ELMO1: variants seen among roughly 807,000 people sequenced by gnomAD.
ELMO1 encodes engulfment and cell motility protein 1.
In ELMO1, 26 loss-of-function variants were observed where a neutral mutation model predicts 98.9. The observed-to-expected ratio is 0.26, with a 90% confidence interval of 0.19 to 0.36. The LOEUF is 0.36. Ranked by LOEUF, ELMO1 falls within the 10% of genes least tolerant of loss-of-function variation. The pLI is 1.00. For synonymous variants in ELMO1, 346 were observed against 346.0 expected (o/e 1.00, Z 0.00); for missense variants, 627 against 935.2 (o/e 0.67, Z 4.30).
At chr7:37,144,838 A>T (rs1275243843) in intron 13 of ELMO1, among the ~76,000 whole-genome samples, 1 of 152,170 alleles carries the variant, frequency 6.6e-6, no homozygotes, top group East Asian at 1.9e-4. Flanking sequence ...CCTGGAAATC[A>T]GTTTCTTTTC....
At chr7:36,869,042 T>A (rs1180182719) in intron 20 of ELMO1, among the ~76,000 whole-genome samples, 2 of 152,096 alleles carry the variant, frequency 1.3e-5, no homozygotes, top group African/African-American at 4.8e-5. Context: ...AAACTGGAGA[T>A]TTGCTGCTAT....
chr7:37,267,150 T>C (rs1243923798), intron 5 of ELMO1, among the ~76,000 whole-genome samples: 2 of 152,008 alleles, frequency 1.3e-5, no homozygotes, highest in Non-Finnish European at 2.9e-5. Context: ...CAGTTTCTTG[T>C]GGGTATCCCT....
intron 10 of ELMO1, among the ~76,000 whole-genome samples, chr7:37,221,928 C>G (rs1793619586): frequency 6.6e-6 from 1 of 152,132 alleles, no homozygotes. Flanking sequence ...AGCTTCCTGA[C>G]CTCAAGTGAT....
chr7:37,373,836 G>C (rs1035957828), intron 1 of ELMO1, among the ~76,000 whole-genome samples: 2 of 152,136 alleles, frequency 1.3e-5, no homozygotes, highest in African/African-American at 4.8e-5. Context: ...CCTCAGGGAG[G>C]CCTACTCTGA....
At chr7:37,263,434 C>T (rs1419661606) in intron 5 of ELMO1, among the ~76,000 whole-genome samples, 3 of 152,176 alleles carry the variant, frequency 2.0e-5, no homozygotes, top group African/African-American at 2.4e-5. Context: ...AAGACAGCTA[C>T]GGTTCTCAAC....
chr7:37,157,416 C>A (rs1486169593), intron 13 of ELMO1, among the ~76,000 whole-genome samples: 1 of 152,102 alleles, frequency 6.6e-6, no homozygotes, highest in Non-Finnish European at 1.5e-5. Flanking sequence ...TCTAGAAAAC[C>A]CCATCGTATC....
intron 16 of ELMO1, among the ~76,000 whole-genome samples, chr7:36,990,552 A>C (rs919054510): frequency 2.6e-5 from 4 of 152,138 alleles, no homozygotes; most frequent in African/African-American, 9.7e-5. Context: ...AATAAAGGTC[A>C]TAAGAAATCC....
At chr7:37,305,553 C>T (rs907020330) in intron 4 of ELMO1, among the ~76,000 whole-genome samples, 3 of 152,104 alleles carry the variant, frequency 2.0e-5, no homozygotes. Flanking sequence ...CATTTTAAGA[C>T]TCTAAGAGGA....
At chr7:37,366,171 C>T (rs1468397804) in intron 1 of ELMO1, among the ~76,000 whole-genome samples, 2 of 152,142 alleles carry the variant, frequency 1.3e-5, no homozygotes, top group African/African-American at 4.8e-5. Flanking sequence ...ATTTCTATAG[C>T]ATGTATTCTT....
At chr7:37,108,853 C>A (rs1785082321) in intron 14 of ELMO1, among the ~76,000 whole-genome samples, 1 of 152,194 alleles carries the variant, frequency 6.6e-6, no homozygotes, top group Non-Finnish European at 1.5e-5. Context: ...GGTTCAGTCA[C>A]CTTCTCCATC....
intron 4 of ELMO1, among the ~76,000 whole-genome samples, chr7:37,302,561 T>C (rs1272403856): frequency 1.3e-5 from 2 of 152,014 alleles, no homozygotes; most frequent in East Asian, 3.9e-4. Flanking sequence ...GCCCAGTCTT[T>C]GAGGCATCCA....
intron 1 of ELMO1, among the ~76,000 whole-genome samples, chr7:37,373,644 G>A (rs1359170822): frequency 1.3e-5 from 2 of 151,878 alleles, no homozygotes. Context: ...TTTGTTTATG[G>A]TGCTATTTTA....
chr7:37,271,857 G>C lies in ELMO1; in HGVS notation c.218C>G (p.Thr73Ser). 1 of 1,614,008 alleles carries C rather than the reference G, an allele frequency of 6.2e-7. No individual in the cohort carries two copies. Among genetic ancestry groups the C allele is most frequent in the Non-Finnish European group, 8.5e-7 (1 of 1,179,992 alleles). ...EKNRNEIKNG[T>S]ILRLTTSPAQ... is the part of the protein sequence containing the mutation. ...TGGAGATGTGGTTAATCGAAGGATA[G>C]TGCCATTTTTTATCTCATTGCGGTT... Residue 73 changes from threonine (T) to serine (S), a missense_variant, in exon 5 of 22, where the codon ACT becomes AGT. This residue lies in a region of ELMO1 where 123 missense variants were observed against 171.2 expected (regional missense o/e 0.72). Coordinates refer to ENST00000310758, the MANE Select transcript of ELMO1 (RefSeq NM_014800.11).
Position 36,958,689 on chromosome 7 carries a change from C to T in ELMO1, c.1437+54610G>A, listed in dbSNP as rs577496590. On this transcript the variant is annotated intron_variant, in intron 16 of 21. Coordinates refer to ENST00000310758, the MANE Select transcript of ELMO1 (RefSeq NM_014800.11). ...CCTCTTCCTAAGGAGCATTTCTTCT[C>T]GTGGCACTACAAAACGCCACACTTG... 1.1e-4 allele frequency among the ~76,000 whole-genome samples: 17 copies of T among 152,210 alleles called. No individual in the cohort carries two copies. The East Asian group carries it at 2.1e-3, about 19-fold the overall frequency.
chr7:37,057,428 G>C (rs1204069887), intron 15 of ELMO1, among the ~76,000 whole-genome samples: 1 of 152,196 alleles, frequency 6.6e-6, no homozygotes, highest in Non-Finnish European at 1.5e-5. Context: ...TCTCACTCCA[G>C]GTAGAAAATG....
intron 1 of ELMO1, among the ~76,000 whole-genome samples, chr7:37,440,597 C>A (rs1261677531): frequency 6.6e-6 from 1 of 151,714 alleles, no homozygotes; most frequent in Admixed American, 6.6e-5. Context: ...GGTGAAACCC[C>A]ATCTCTAATA....
At chr7:37,446,348 G>T (rs1041412431) in intron 1 of ELMO1, among the ~76,000 whole-genome samples, 1 of 152,182 alleles carries the variant, frequency 6.6e-6, no homozygotes, top group Admixed American at 6.5e-5. Flanking sequence ...ACTGTATAAT[G>T]CCAGGGAGTA....
intron 16 of ELMO1, among the ~76,000 whole-genome samples, chr7:36,941,091 T>C (rs1303021312): frequency 1.3e-5 from 2 of 152,258 alleles, no homozygotes; most frequent in Non-Finnish European, 2.9e-5. Flanking sequence ...AATTATGTAT[T>C]ACATTCTTTG....
chr7:37,206,073 A>G (rs548293043), intron 13 of ELMO1, among the ~76,000 whole-genome samples: 41 of 151,810 alleles, frequency 2.7e-4, no homozygotes, highest in Admixed American at 1.0e-3. Context: ...ACAACCTACA[A>G]CTCTCACGTT....
Sources: gnomAD v4.1 joint callset for allele counts (sites outside exome capture counted in the v4.1 genomes callset) on GRCh38, gnomAD v4.1.1 for gene constraint, gnomAD v4.1.1 regional missense constraint, MANE v1.5 for transcripts, NCBI Gene and HGNC (gene_info 2026-07-23, HGNC 2026-07-21) for gene names.